The following AFF1 variants were observed in gnomAD, a reference collection of about 807,000 sequenced individuals.
AFF1 encodes the protein ALF transcription elongation factor 1, also known as AF4/FMR2 family member 1.
Under a neutral mutation model 121.7 loss-of-function variants are expected in AFF1, and 48 were observed. That is an observed-to-expected ratio of 0.39 (90% confidence interval 0.31 to 0.50). The LOEUF is 0.50. AFF1 is among the 20% of genes least tolerant of loss of function. AFF1 has a pLI of 0.76. For synonymous variants in AFF1, 613 were observed against 563.0 expected (o/e 1.09, Z -1.26); for missense variants, 1,523 against 1,511.7 (o/e 1.01, Z -0.12).
At chr4:86,998,063 A>ACT (rs1240695148) in intron 2 of AFF1, among the ~76,000 whole-genome samples, 12 of 130,230 alleles carry the variant, frequency 9.2e-5, no homozygotes, top group African/African-American at 3.5e-4. Flanking sequence ...GTGCCATTGC[A>ACT]CTCTGGCCTA....
At chr4:87,127,549 G>A (rs1728406954) in intron 15 of AFF1, 94 bp from the exon 16 acceptor site, 1 of 1,150,846 alleles carries the variant, frequency 8.7e-7, no homozygotes, top group Non-Finnish European at 1.3e-6. Flanking sequence ...TCCCCTTGCT[G>A]TCCTCCCATC....
chr4:87,006,856 C>A (rs1020814892), intron 2 of AFF1: 3 of 662,332 alleles, frequency 4.5e-6, no homozygotes, highest in Non-Finnish European at 5.7e-6. Flanking sequence ...CCCGACCCTG[C>A]CTGCCGCTTG....
intron 2 of AFF1, among the ~76,000 whole-genome samples, chr4:87,039,771 C>T (rs1039323405): frequency 6.6e-6 from 1 of 152,144 alleles, no homozygotes; most frequent in African/African-American, 2.4e-5. Context: ...AATTATTTCC[C>T]TATTTAAATA....
intron 1 of AFF1, among the ~76,000 whole-genome samples, chr4:86,946,195 T>C (rs1720844248): frequency 6.6e-6 from 1 of 152,110 alleles, no homozygotes; most frequent in Non-Finnish European, 1.5e-5. Flanking sequence ...TTTGCTCAAA[T>C]GTTGTGTTCT....
Position 87,114,420 on chromosome 4 carries a change from C to T in AFF1, c.1587C>T (p.Val529=), listed in dbSNP as rs755026843. The T allele has an allele frequency of 6.2e-6, 10 of 1,609,106 alleles. No homozygotes were observed. The Admixed American group carries it at 6.8e-5, about 11-fold the overall frequency. Reference sequence around the variant, plus strand: ...AGCTGGACAACTGGCTGACCAAAGTCAGCCAGCCAGCTGCGCCACCAGAGG... The same window carrying T: ...AGCTGGACAACTGGCTGACCAAAGTTAGCCAGCCAGCTGCGCCACCAGAGG... ...KWQLDNWLTK[V]SQPAAPPEGP... Residue 529 remains valine (V), a synonymous_variant, in exon 12 of 21, where the codon GTC becomes GTT. Coordinates refer to ENST00000395146, the MANE Select transcript of AFF1 (RefSeq NM_001166693.3).
At chr4:87,087,962 A>G (rs1467526491) in intron 5 of AFF1, among the ~76,000 whole-genome samples, 2 of 152,248 alleles carry the variant, frequency 1.3e-5, no homozygotes, top group African/African-American at 4.8e-5. Context: ...CAGTATTGAA[A>G]TTCTTTTAAA....
intron 4 of AFF1, among the ~76,000 whole-genome samples, chr4:87,059,719 C>A (rs756934651): frequency 1.5e-4 from 23 of 152,220 alleles, no homozygotes; most frequent in Non-Finnish European, 3.2e-4. Flanking sequence ...GCTGCTGGTA[C>A]TGCCTTGTTC....
At chr4:87,026,645 G>C (rs1409629414) in intron 2 of AFF1, among the ~76,000 whole-genome samples, 1 of 152,168 alleles carries the variant, frequency 6.6e-6, no homozygotes. Flanking sequence ...AAAGAGCAAG[G>C]AAAGAATTTC....
In AFF1 at chr4:87,136,282, G is replaced by GAT; in HGVS notation, c.*583_*584dup. 1 of 232,220 alleles carries GAT rather than the reference G, an allele frequency of 4.3e-6. No individual in the cohort carries two copies. Among genetic ancestry groups the GAT allele is most frequent in the Admixed American group, 5.6e-5 (1 of 17,772 alleles). The allele number at this position is 232,220 out of a possible 1,614,324, so 14.4% of individuals were successfully genotyped here. A position where few individuals can be genotyped will look rare whatever the true frequency, so the allele number is the denominator to read the frequency against. ...ACTTTCTGCCAATGAACAGTGGCTT[G>GAT]ATAATACCAAGTATTGTTGTAATTT... On this transcript the variant is annotated 3_prime_UTR_variant, in exon 21 of 21. Transcript: ENST00000395146.
At chr4:86,965,056 G>T (rs1262160466) in intron 2 of AFF1, among the ~76,000 whole-genome samples, 1 of 152,138 alleles carries the variant, frequency 6.6e-6, no homozygotes, top group Non-Finnish European at 1.5e-5. Context: ...GTTATAATGG[G>T]TATTTATTTG....
intron 4 of AFF1, among the ~76,000 whole-genome samples, chr4:87,064,324 G>A (rs1050579087): frequency 4.6e-5 from 7 of 152,198 alleles, no homozygotes; most frequent in Admixed American, 3.9e-4. Flanking sequence ...CAATATAGAA[G>A]ATAGGCAACA....
intron 5 of AFF1, among the ~76,000 whole-genome samples, chr4:87,089,097 C>G (rs1183347317): frequency 6.6e-6 from 1 of 150,586 alleles, no homozygotes; most frequent in Non-Finnish European, 1.5e-5. Flanking sequence ...GTGGGAACCA[C>G]CTTTGACTTC....
In AFF1 at chr4:87,114,738, GCTT is replaced by G. The variant is rs1298612905; in HGVS notation, c.1910_1912del (p.Leu637del). 6.2e-7 allele frequency: 1 copy of G among 1,613,834 alleles called. No individual in the cohort carries two copies. The highest frequency in any genetic ancestry group is 1.3e-5 in the African/African-American group (1 of 74,876). ...GCCTGCAGGGGGAAAGGGAGCCAGG[GCTT>G]CTTCCCTATGGCTCCCGAGACCAGA... On this transcript the variant is annotated inframe_deletion, in exon 12 of 21. Coordinates refer to ENST00000395146, the MANE Select transcript of AFF1 (RefSeq NM_001166693.3).
rs150620336 is a variant in AFF1, at chr4:86,943,945, G to C, written c.-36-4553G>C. Among the ~76,000 whole-genome samples the C allele has an allele frequency of 7.7e-3, 1,021 of 131,786 alleles. 9 individuals are homozygous for C. Among genetic ancestry groups the C allele is most frequent in the African/African-American group, 0.026 (948 of 36,528 alleles). 86.5% of individuals were successfully genotyped at this position (131,786 alleles called of 152,430 possible). On this transcript the variant is annotated intron_variant, in intron 1 of 20. Coordinates refer to ENST00000395146, the MANE Select transcript of AFF1 (RefSeq NM_001166693.3). ...CATTGCACTCCAGCCTGGGCAACAA[G>C]AACGAAACTCTACCCAAAATAAAAA...
At chr4:86,967,641 ATTTT>A (rs752610488) in intron 2 of AFF1, among the ~76,000 whole-genome samples, 5 of 145,968 alleles carry the variant, frequency 3.4e-5, no homozygotes, top group African/African-American at 1.3e-4. Context: ...GCTCTGGATG[ATTTT>A]TTTTTTTTTG....
At position 87,139,423 on chromosome 4, in the gene AFF1, A is replaced by G. The variant is rs866255337; in HGVS notation, c.*3722A>G. ...CTACCACAGATTCTTTATTTTCCCAAACACTACAAAAAAACTTTTAAAACT... is the reference window on the plus strand; with the variant it reads ...CTACCACAGATTCTTTATTTTCCCAGACACTACAAAAAAACTTTTAAAACT... On this transcript the variant is annotated 3_prime_UTR_variant, in exon 21 of 21. Coordinates refer to ENST00000395146, the MANE Select transcript of AFF1 (RefSeq NM_001166693.3). 3.0e-5 allele frequency: 7 copies of G among 232,910 alleles called. No individual in the cohort carries two copies. The highest frequency in any genetic ancestry group is 1.3e-3 in the Middle Eastern group (1 of 778). 14.4% of individuals were successfully genotyped at this position (232,910 alleles called of 1,614,324 possible).
At chr4:86,973,026 A>T (rs191804282) in intron 2 of AFF1, among the ~76,000 whole-genome samples, 148 of 152,312 alleles carry the variant, frequency 9.7e-4, no homozygotes, top group African/African-American at 3.5e-3. Context: ...GGGAGAGAAG[A>T]AACTGAAAAA....
chr4:87,130,961 AC>A (rs1728772051), intron 16 of AFF1, 121 bp from the exon 17 acceptor site: 2 of 1,316,070 alleles, frequency 1.5e-6, no homozygotes, highest in Non-Finnish European at 2.1e-6. Flanking sequence ...ATTCATCCTC[AC>A]ACTTCTCCCT....
chr4:86,987,983 G>A (rs1459723647), intron 2 of AFF1, among the ~76,000 whole-genome samples: 5 of 151,458 alleles, frequency 3.3e-5, no homozygotes, highest in Non-Finnish European at 7.4e-5. Context: ...TTTAAGCTGG[G>A]GTCATGTTAT....
Sources: allele counts gnomAD v4.1 joint callset (sites outside exome capture counted in the v4.1 genomes callset), GRCh38; gene constraint gnomAD v4.1.1; transcripts MANE v1.5; gene names NCBI Gene and HGNC (gene_info 2026-07-23, HGNC 2026-07-21).